Variants in RDH12 observed in about 807,000 individuals in gnomAD.
The protein encoded by RDH12 is retinol dehydrogenase 12, also known as all-trans and 9-cis retinol dehydrogenase.
RDH12 carries 21 observed loss-of-function variants against 34.0 expected under a neutral mutation model. The observed-to-expected ratio is 0.62, with a 90% CI of 0.44 to 0.89. The LOEUF (loss-of-function observed/expected upper bound fraction) is 0.89. Among genes scored for constraint, RDH12 ranks in the 40% least tolerant of loss-of-function variants. The pLI, the probability that RDH12 is intolerant of heterozygous loss-of-function variation, is 0.00. For missense variants in RDH12, 394 were observed against 398.6 expected, an observed-to-expected ratio of 0.99 and a Z score of 0.10; for synonymous variants, 198 against 169.9, an observed-to-expected ratio of 1.17 and a Z score of -1.29.
chr14:67,724,745 A>G (rs976412788), intron 4 of RDH12, among the ~76,000 whole-genome samples, 154 bp downstream of exon 4: 3 of 152,134 alleles, frequency 2.0e-5, no homozygotes, highest in African/African-American at 7.2e-5. Flanking sequence ...TGTGACACCA[A>G]CTTACACTGT....
At chr14:67,707,640 G>T (rs1398040198) in intron 1 of RDH12, among the ~76,000 whole-genome samples, 1 of 152,136 alleles carries the variant, frequency 6.6e-6, no homozygotes, top group African/African-American at 2.4e-5. Context: ...TGTTGGCCAG[G>T]CTGGTAAGAA....
chr14:67,720,686 A>T (rs375241838), intron 1 of RDH12, 162 bp from the exon 2 acceptor site: 1 of 152,182 alleles, frequency 6.6e-6, no homozygotes, highest in South Asian at 2.1e-4. Flanking sequence ...CTGCCTATTC[A>T]CCTACCTGTA....
Position 67,722,585 on chromosome 14 carries a change from AGCT to A in RDH12, c.-56_-54del. On this transcript the variant is annotated 5_prime_UTR_variant, in exon 3 of 9. Transcript: ENST00000551171. Reference sequence around the variant, plus strand: ...GAGCCAGACCAGGAACCTGAGCCAGAGCTGGGGTTGAAGCTGGAGCAGCAGCAA... The same window carrying A: ...GAGCCAGACCAGGAACCTGAGCCAGAGGGGTTGAAGCTGGAGCAGCAGCAA... 6.9e-7 allele frequency: 1 copy of A among 1,447,980 alleles called. No homozygotes were observed. The highest frequency in any genetic ancestry group is 1.4e-5 in the African/African-American group (1 of 71,814). 89.7% of individuals were successfully genotyped at this position (1,447,980 alleles called of 1,614,324 possible). A position where few individuals can be genotyped will look rare whatever the true frequency, so the allele number is the denominator to read the frequency against.
chr14:67,706,772 TA>T (rs955479236), intron 1 of RDH12, among the ~76,000 whole-genome samples: 4 of 152,144 alleles, frequency 2.6e-5, no homozygotes, highest in Admixed American at 2.0e-4. Context: ...CTCCACCCTT[TA>T]AAAAAAATCT....
chr14:67,724,872 A>G (rs554644659), intron 4 of RDH12, among the ~76,000 whole-genome samples: 79 of 152,346 alleles, frequency 5.2e-4, no homozygotes, highest in African/African-American at 1.7e-3. Context: ...GACATTAAAT[A>G]TCAGAATGTA....
At chr14:67,710,990 A>C (rs2038003325) in intron 1 of RDH12, among the ~76,000 whole-genome samples, 1 of 152,198 alleles carries the variant, frequency 6.6e-6, no homozygotes, top group Non-Finnish European at 1.5e-5. Context: ...AAAAGATTTA[A>C]CTTAACTGGC....
intron 1 of RDH12, among the ~76,000 whole-genome samples, chr14:67,713,021 T>C (rs2038027337): frequency 6.6e-6 from 1 of 152,024 alleles, no homozygotes; most frequent in African/African-American, 2.4e-5. Context: ...TTGATCAAGT[T>C]GGATAGAATT....
rs2140137934 is a variant in RDH12 at position 67,722,582 on chromosome 14, C to G, written c.-61C>G. The G allele has an allele frequency of 2.1e-6, 3 of 1,429,226 alleles. No homozygotes were observed. The South Asian group carries it at 3.4e-5, about 16-fold the overall frequency. 88.5% of individuals were successfully genotyped at this position (1,429,226 alleles called of 1,614,324 possible). A position where few individuals can be genotyped will look rare whatever the true frequency, so the allele number is the denominator to read the frequency against. On this transcript the variant is annotated 5_prime_UTR_variant, in exon 3 of 9. Coordinates refer to ENST00000551171, the MANE Select transcript of RDH12 (RefSeq NM_152443.3). The stretch of plus-strand genomic sequence containing the variant: ...CTGGAGCCAGACCAGGAACCTGAGC[C>G]AGAGCTGGGGTTGAAGCTGGAGCAG...
At chr14:67,733,183 C>G (rs1468889270) in intron 8 of RDH12, among the ~76,000 whole-genome samples, 2 of 152,120 alleles carry the variant, frequency 1.3e-5, no homozygotes, top group Non-Finnish European at 2.9e-5. Context: ...CTCCCACCCC[C>G]TATCCCTCTA....
chr14:67,726,920 C>G (rs955636562), intron 6 of RDH12, 61 bp from the exon 7 acceptor site: 2 of 1,494,538 alleles, frequency 1.3e-6, no homozygotes, highest in African/African-American at 2.8e-5. Context: ...CTCTTGGCTC[C>G]CACATGCTGA....
At chr14:67,713,739 G>A (rs1223677003) in intron 1 of RDH12, among the ~76,000 whole-genome samples, 1 of 152,220 alleles carries the variant, frequency 6.6e-6, no homozygotes, top group Non-Finnish European at 1.5e-5. Context: ...GACGACATGT[G>A]TCCAGGATGG....
chr14:67,708,163 T>C (rs2037969630), intron 1 of RDH12, among the ~76,000 whole-genome samples: 1 of 152,224 alleles, frequency 6.6e-6, no homozygotes, highest in Non-Finnish European at 1.5e-5. Context: ...GGGAGTATAC[T>C]TTAGTCAATT....
intron 1 of RDH12, among the ~76,000 whole-genome samples, chr14:67,716,680 T>A (rs1298463259): frequency 6.6e-6 from 1 of 152,176 alleles, no homozygotes; most frequent in African/African-American, 2.4e-5. Flanking sequence ...GGCCAGGAAT[T>A]CGAGACCAGC....
chr14:67,727,458 AACAG>A (rs1300069790), intron 7 of RDH12: 3 of 438,598 alleles, frequency 6.8e-6, no homozygotes, highest in Non-Finnish European at 1.3e-5. Context: ...AGCTTTTTGC[AACAG>A]ACAGAGGCTT....
At position 67,729,394 on chromosome 14, in the gene RDH12, A is replaced by G. The variant is rs535122314; in HGVS notation, c.848+14A>G. On this transcript the variant is annotated intron_variant, in intron 8 of 8. Coordinates refer to ENST00000551171, the MANE Select transcript of RDH12 (RefSeq NM_152443.3). The stretch of plus-strand genomic sequence containing the variant: ...CAAGTACTTCAGGTGTGTGAAGGCA[A>G]TGCGGTTCTCTCCACCACCTGTGTG... 32 of 1,596,558 alleles carry G rather than the reference A, an allele frequency of 2.0e-5. No individual in the cohort carries two copies. The highest frequency in any genetic ancestry group is 2.5e-5 in the Non-Finnish European group (29 of 1,179,168).
At position 67,729,318 on chromosome 14, in the gene RDH12, G is replaced by A; in HGVS notation, c.786G>A (p.Ala262=). 6.2e-7 allele frequency: 1 copy of A among 1,600,328 alleles called. No homozygotes were observed. The highest frequency in any genetic ancestry group is 8.5e-7 in the Non-Finnish European group (1 of 1,179,884). ...SPFVKTAREG[A]QTSLHCALAE... is the part of the protein sequence containing the mutation. ...TTGTCAAGACGGCACGGGAGGGGGC[G>A]CAGACCAGCCTGCACTGCGCCCTGG... Residue 262 remains alanine, a synonymous_variant, in exon 8 of 9, where the codon GCG becomes GCA. Coordinates refer to ENST00000551171, the MANE Select transcript of RDH12 (RefSeq NM_152443.3).
At chr14:67,730,369 G>C (rs1029654676) in intron 8 of RDH12, among the ~76,000 whole-genome samples, 1 of 152,126 alleles carries the variant, frequency 6.6e-6, no homozygotes, top group African/African-American at 2.4e-5. Context: ...CACTGTAAGT[G>C]TACAGTGCAT....
At chr14:67,711,093 T>A (rs2038004402) in intron 1 of RDH12, among the ~76,000 whole-genome samples, 1 of 152,206 alleles carries the variant, frequency 6.6e-6, no homozygotes, top group Non-Finnish European at 1.5e-5. Context: ...AGTTTAGCTT[T>A]GAAACAAAGA....
chr14:67,709,887 G>A (rs1360246729), intron 1 of RDH12, among the ~76,000 whole-genome samples: 1 of 152,122 alleles, frequency 6.6e-6, no homozygotes, highest in East Asian at 1.9e-4. Flanking sequence ...ATCTCAAGCT[G>A]GAAACTGCTT....
Sources: gnomAD v4.1 joint callset for allele counts (sites outside exome capture counted in the v4.1 genomes callset) on GRCh38, gnomAD v4.1.1 for gene constraint, MANE v1.5 for transcripts, NCBI Gene and HGNC (gene_info 2026-07-23, HGNC 2026-07-21) for gene names.